The following REDIC1 variants were observed in gnomAD, a reference collection of about 807,000 sequenced individuals.
REDIC1 encodes HEI10 Interacting Protein 1.
chr12:39,710,374 C>A, the REDIC1 span, among the ~76,000 whole-genome samples: 1 of 151,748 alleles, frequency 6.6e-6, no homozygotes, highest in African/African-American at 2.4e-5. Flanking sequence ...CTTCTTGAAA[C>A]TTGAATCTTT....
At chr12:39,720,917 A>T in the REDIC1 span, 2 of 1,613,790 alleles carry the variant, frequency 1.2e-6, no homozygotes, top group Non-Finnish European at 1.7e-6. Flanking sequence ...AGGATTGTTA[A>T]AAACGATGAC....
At chr12:39,724,526 C>G in the REDIC1 span, among the ~76,000 whole-genome samples, 18 of 152,150 alleles carry the variant, frequency 1.2e-4, no homozygotes, top group Non-Finnish European at 2.6e-4. Flanking sequence ...TTCTTGAAAT[C>G]ATACCCCAAA....
At chr12:39,758,410 A>C in the REDIC1 span, 7 of 151,940 alleles carry the variant, frequency 4.6e-5, no homozygotes, top group African/African-American at 1.4e-4. Flanking sequence ...ATATGGAGAT[A>C]GCCACCTTTT....
the REDIC1 span, among the ~76,000 whole-genome samples, chr12:39,765,334 T>C: frequency 6.6e-6 from 1 of 152,138 alleles, no homozygotes; most frequent in African/African-American, 2.4e-5. Flanking sequence ...AATGATTCTA[T>C]CTGATTCCAA....
chr12:39,650,436 T>C, the REDIC1 span: 152 of 1,494,210 alleles, frequency 1.0e-4, no homozygotes, highest in Middle Eastern at 2.1e-4. This position sits in a 1 kb window ranked among gnomAD's most constrained non-coding sequence, Gnocchi z 4.3. Context: ...TGGACACAAA[T>C]ATTTTTAGTT....
At chr12:39,645,619 C>T in the REDIC1 span, among the ~76,000 whole-genome samples, 7 of 152,036 alleles carry the variant, frequency 4.6e-5, no homozygotes, top group African/African-American at 1.7e-4. Flanking sequence ...TAAAATTCCA[C>T]TGTAAGAATA....
the REDIC1 span, among the ~76,000 whole-genome samples, chr12:39,670,483 G>A: frequency 4.6e-5 from 7 of 152,190 alleles, no homozygotes; most frequent in Admixed American, 1.3e-4. Context: ...GAACCACTGC[G>A]CCTGACCTGT....
the REDIC1 span, among the ~76,000 whole-genome samples, chr12:39,902,012 A>AT: frequency 1.3e-5 from 2 of 152,224 alleles, no homozygotes; most frequent in Admixed American, 6.5e-5. Flanking sequence ...CTATGCAGCC[A>AT]GAAAAAAGGA....
chr12:39,899,338 C>T, the REDIC1 span, among the ~76,000 whole-genome samples: 1 of 152,126 alleles, frequency 6.6e-6, no homozygotes, highest in Non-Finnish European at 1.5e-5. Context: ...TCCCCTTTAT[C>T]ATTTTTATTG....
At chr12:39,644,304 A>G in the REDIC1 span, among the ~76,000 whole-genome samples, 1 of 151,752 alleles carries the variant, frequency 6.6e-6, no homozygotes, top group Non-Finnish European at 1.5e-5. Context: ...AGATCTGCAA[A>G]GATTTTTGCT....
chr12:39,740,356 C>T, the REDIC1 span, among the ~76,000 whole-genome samples: 1 of 152,024 alleles, frequency 6.6e-6, no homozygotes, highest in Non-Finnish European at 1.5e-5. Context: ...TTTTAGCAAG[C>T]CAATCTTCTT....
the REDIC1 span, among the ~76,000 whole-genome samples, chr12:39,827,906 G>C: frequency 2.6e-5 from 4 of 152,010 alleles, no homozygotes; most frequent in Non-Finnish European, 5.9e-5. Flanking sequence ...GCTACAGTTA[G>C]AGATCAGGAT....
At chr12:39,677,707 A>C in the REDIC1 span, among the ~76,000 whole-genome samples, 2 of 152,198 alleles carry the variant, frequency 1.3e-5, no homozygotes, top group South Asian at 4.1e-4. Flanking sequence ...ACAAGTCACA[A>C]TAAATTTAAG....
the REDIC1 span, among the ~76,000 whole-genome samples, chr12:39,779,402 C>T: frequency 1.3e-5 from 2 of 152,094 alleles, no homozygotes; most frequent in Non-Finnish European, 2.9e-5. Flanking sequence ...TCTTCTATTT[C>T]CCTGGGTTTT....
the REDIC1 span, among the ~76,000 whole-genome samples, chr12:39,748,885 C>A: frequency 6.6e-6 from 1 of 152,206 alleles, no homozygotes; most frequent in Non-Finnish European, 1.5e-5. Flanking sequence ...AACAAAGACA[C>A]AACATACCAG....
chr12:39,838,397 C>T, the REDIC1 span, among the ~76,000 whole-genome samples: 2 of 141,864 alleles, frequency 1.4e-5, no homozygotes, highest in Non-Finnish European at 3.0e-5. Flanking sequence ...TGCTAGATGA[C>T]GAGTTAGTGG....
At chr12:39,807,318 C>T in the REDIC1 span, among the ~76,000 whole-genome samples, 1 of 152,132 alleles carries the variant, frequency 6.6e-6, no homozygotes, top group African/African-American at 2.4e-5. Flanking sequence ...TATGATAACA[C>T]TGTATAAAAT....
At chr12:39,834,890 C>T in the REDIC1 span, among the ~76,000 whole-genome samples, 1 of 152,086 alleles carries the variant, frequency 6.6e-6, no homozygotes, top group Non-Finnish European at 1.5e-5. Context: ...GGGGAATCTG[C>T]TAATTGACCT....
chr12:39,749,035 CA>C, the REDIC1 span, among the ~76,000 whole-genome samples: 9 of 152,000 alleles, frequency 5.9e-5, no homozygotes, highest in Admixed American at 5.9e-4. Flanking sequence ...CAAACACATT[CA>C]AAAGCTAGCA....
Sources: gnomAD v4.1 joint callset for allele counts (sites outside exome capture counted in the v4.1 genomes callset) on GRCh38, gnomAD v4.1.1 for gene constraint, Gnocchi (gnomAD v3.1) non-coding constraint, MANE v1.5 for transcripts, NCBI Gene and HGNC (gene_info 2026-07-23, HGNC 2026-07-21) for gene names.